Variants in KLHL13 observed in about 807,000 individuals in gnomAD.
KLHL13 encodes kelch-like protein 13.
KLHL13 carries 10 observed loss-of-function variants against 37.1 expected under a neutral mutation model. The ratio of observed to expected loss-of-function variants is 0.27; its 90% CI spans 0.17 to 0.46. The LOEUF is 0.46. Ranked by LOEUF, KLHL13 falls within the 20% of genes least tolerant of loss-of-function variation. The probability of loss-of-function intolerance (pLI) is 1.00; values close to 1 mark genes in which losing one functional copy is unlikely to be tolerated. For synonymous variants in KLHL13, 163 were observed against 181.2 expected, an observed-to-expected ratio of 0.90 and a Z score of 0.81; for missense variants, 360 against 509.3, an observed-to-expected ratio of 0.71 and a Z score of 2.82.
At chrX:118,113,802 T>C (rs1055936980) in intron 1 of KLHL13, among the ~76,000 whole-genome samples, 3 of 112,284 alleles carry the variant, frequency 2.7e-5, no homozygotes, top group Non-Finnish European at 5.6e-5. Flanking sequence ...CTGTATTCTC[T>C]GGTAGAATAT....
intron 1 of KLHL13, among the ~76,000 whole-genome samples, chrX:118,115,812 T>A (rs764618069): frequency 8.9e-6 from 1 of 112,416 alleles, no homozygotes; most frequent in Non-Finnish European, 1.9e-5. Flanking sequence ...ACTAAGTTAA[T>A]GAAACCTAGA....
chrX:118,064,738 G>T (rs1422710661), intron 1 of KLHL13, among the ~76,000 whole-genome samples: 2 of 111,808 alleles, frequency 1.8e-5, no homozygotes, highest in Non-Finnish European at 3.8e-5. Flanking sequence ...AAACTGTAGA[G>T]TCACACAGAC....
chrX:117,922,387 A>G (rs746958504), intron 2 of KLHL13, among the ~76,000 whole-genome samples: 6 of 111,841 alleles, frequency 5.4e-5, no homozygotes, highest in African/African-American at 1.6e-4. Context: ...GAAACAGTTG[A>G]GAGACTAGCA....
chrX:117,991,150 G>T (rs1437130387), intron 1 of KLHL13, among the ~76,000 whole-genome samples: 1 of 88,156 alleles, frequency 1.1e-5, no homozygotes, highest in African/African-American at 6.9e-5. Context: ...AAAAAAAAAA[G>T]TCTTATAAAT....
At chrX:117,926,427 G>A (rs775291614) in intron 2 of KLHL13, among the ~76,000 whole-genome samples, 2 of 111,191 alleles carry the variant, frequency 1.8e-5, no homozygotes, top group Admixed American at 9.5e-5. Flanking sequence ...GGATTCCAGC[G>A]AGTAATGATA....
intron 1 of KLHL13, among the ~76,000 whole-genome samples, chrX:117,983,012 TACA>T (rs920583732): frequency 4.5e-5 from 5 of 111,935 alleles, no homozygotes; most frequent in Non-Finnish European, 7.5e-5. Flanking sequence ...AACTGTGAGG[TACA>T]ACAATTAGAA....
chrX:117,964,449 A>G (rs1308891896), intron 1 of KLHL13, among the ~76,000 whole-genome samples: 2 of 112,334 alleles, frequency 1.8e-5, no homozygotes, highest in African/African-American at 3.2e-5. Context: ...GATAGTATGG[A>G]AGATAAAAAA....
intron 1 of KLHL13, among the ~76,000 whole-genome samples, chrX:118,095,763 A>G (rs1268784659): frequency 8.9e-6 from 1 of 112,216 alleles, no homozygotes; most frequent in Non-Finnish European, 1.9e-5. Context: ...AACTACATGG[A>G]AACTGAACAA....
intron 2 of KLHL13, among the ~76,000 whole-genome samples, chrX:117,921,100 C>T (rs1931671333): frequency 1.8e-5 from 2 of 111,669 alleles, no homozygotes; most frequent in South Asian, 3.8e-4. Context: ...TGAGAAGAAT[C>T]CTTGTTGATT....
intron 1 of KLHL13, among the ~76,000 whole-genome samples, chrX:117,996,441 TCAA>T (rs1359983072): frequency 8.9e-6 from 1 of 111,741 alleles, no homozygotes; most frequent in Non-Finnish European, 1.9e-5. Context: ...CATACTGACC[TCAA>T]CAACAAAACA....
intron 1 of KLHL13, among the ~76,000 whole-genome samples, chrX:118,005,849 C>G (rs1367054131): frequency 8.9e-6 from 1 of 111,959 alleles, no homozygotes; most frequent in Non-Finnish European, 1.9e-5. Context: ...CAATAGAAAA[C>G]TAAGACATGG....
At chrX:118,054,901 A>T (rs1014444448) in intron 1 of KLHL13, among the ~76,000 whole-genome samples, 1 of 111,389 alleles carries the variant, frequency 9.0e-6, no homozygotes, top group African/African-American at 3.3e-5. Context: ...GTTCTGATAA[A>T]ATTCATATAG....
At chrX:117,899,321 C>A (rs755530362) in exon 7 of KLHL13, 1 of 1,210,955 alleles carries the variant, frequency 8.3e-7, no homozygotes, top group Admixed American at 2.2e-5. Context: ...GTCATTGGCG[C>A]CTTCTGGATC....
chrX:117,904,433 T>G (rs1212760027), intron 5 of KLHL13, among the ~76,000 whole-genome samples: 1 of 111,191 alleles, frequency 9.0e-6, no homozygotes, highest in Admixed American at 9.6e-5. Context: ...GGCAAAGAGT[T>G]GGAGCCACAA....
At chrX:117,942,445 C>G (rs956814159) in intron 2 of KLHL13, among the ~76,000 whole-genome samples, 12 of 110,930 alleles carry the variant, frequency 1.1e-4, no homozygotes, top group Non-Finnish European at 1.5e-4. Context: ...ATCTCCCACT[C>G]TTATTGTGTG....
chrX:118,067,560 T>C (rs966054920), intron 1 of KLHL13, among the ~76,000 whole-genome samples: 8 of 112,174 alleles, frequency 7.1e-5, no homozygotes, highest in East Asian at 2.8e-4. Flanking sequence ...TTAAAACACA[T>C]TATACAGCTG....
exon 1 of KLHL13, chrX:118,116,783 G>A (rs1027137319): frequency 9.6e-6 from 1 of 104,508 alleles, no homozygotes; most frequent in Non-Finnish European, 2.0e-5. Flanking sequence ...CGCAGCGGCA[G>A]AGCCTCCGCC....
intron 1 of KLHL13, among the ~76,000 whole-genome samples, chrX:118,049,041 G>A (rs753857931): frequency 1.2e-4 from 13 of 111,721 alleles, no homozygotes; most frequent in African/African-American, 2.9e-4. Context: ...ATGACCTAGC[G>A]TTTAATTAAA....
chrX:118,004,978 A>G (rs1449734067), intron 1 of KLHL13, among the ~76,000 whole-genome samples: 2 of 112,444 alleles, frequency 1.8e-5, no homozygotes, highest in East Asian at 2.8e-4. Context: ...TGTCAAGGTC[A>G]TGAAAGTCAA....
Sources: gnomAD v4.1 joint callset for allele counts (sites outside exome capture counted in the v4.1 genomes callset) on GRCh38, gnomAD v4.1.1 for gene constraint, MANE v1.5 for transcripts, NCBI Gene and HGNC (gene_info 2026-07-23, HGNC 2026-07-21) for gene names.